ZDHHC11B: variants seen among roughly 807,000 people sequenced by gnomAD.
ZDHHC11B encodes the protein zDHHC palmitoyltransferase 11B (putative), also known as probable palmitoyltransferase ZDHHC11B.
ZDHHC11B carries 17 observed loss-of-function variants against 42.3 expected under a neutral mutation model. That is an observed-to-expected ratio of 0.40 (90% CI 0.27 to 0.60). ZDHHC11B has a LOEUF of 0.60. Ranked by LOEUF, ZDHHC11B falls within the 20% of genes least tolerant of loss-of-function variation. ZDHHC11B has a pLI of 0.41. For synonymous variants in ZDHHC11B, 123 were observed against 193.5 expected (o/e 0.64, Z 3.02); for missense variants, 262 against 463.2 (o/e 0.57, Z 3.99).
At position 776,024 on chromosome 5, in the gene ZDHHC11B, C is replaced by T. The variant is rs759187651; in HGVS notation, c.-229-7094G>A. ...ATTCCCATGCAGATACCCTGGCCTC[C>T]GCAGGCTCAGCTGGGTGTACTGCCG... On this transcript the variant is annotated intron_variant, in intron 1 of 13. Transcript: ENST00000508859. 3.3e-5 allele frequency among the ~76,000 whole-genome samples: 5 copies of T among 149,420 alleles called. No individual in the cohort carries two copies. In the East Asian group the frequency reaches 5.8e-4, roughly 17 times the overall value.
intron 1 of ZDHHC11B, among the ~76,000 whole-genome samples, chr5:784,273 C>G (rs34791950): frequency 0.13 from 16,061 of 126,810 alleles, 21 homozygotes; most frequent in Non-Finnish European, 0.16. Context: ...CGGCCCCCTA[C>G]GCCTGGGAAT....
At chr5:766,223 G>A (rs1469184301) in intron 4 of ZDHHC11B, among the ~76,000 whole-genome samples, 1 of 151,786 alleles carries the variant, frequency 6.6e-6, no homozygotes, top group Non-Finnish European at 1.5e-5. Context: ...GGTGAGAGCA[G>A]ATGCAGGTCC....
At chr5:718,887 G>A (rs746243470) in intron 12 of ZDHHC11B, among the ~76,000 whole-genome samples, 16 of 151,662 alleles carry the variant, frequency 1.1e-4, no homozygotes, top group Non-Finnish European at 1.9e-4. Flanking sequence ...TAAATTTGAG[G>A]TGGTACATTT....
At chr5:761,452 G>A (rs1367360612) in intron 4 of ZDHHC11B, among the ~76,000 whole-genome samples, 1 of 151,844 alleles carries the variant, frequency 6.6e-6, no homozygotes, top group Admixed American at 6.6e-5. Flanking sequence ...AGAACTCGGA[G>A]GCTGGGCCAC....
rs1169052596 is a variant in ZDHHC11B, at chr5:716,818, C to CT, written c.1105dup (p.Ser369LysfsTer2). On this transcript the variant is annotated frameshift_variant, in exon 13 of 14. Transcript: ENST00000508859. LOFTEE classifies it high-confidence loss of function. ...TATCTTACCCGAATCTCAGTCTTCA[C>CT]TTTCAGCACTGTCAGTTTTCATGGG... 6.2e-7 allele frequency: 1 copy of CT among 1,613,014 alleles called. No homozygotes were observed. Among genetic ancestry groups the CT allele is most frequent in the African/African-American group, 1.3e-5 (1 of 74,602 alleles).
At chr5:778,620 T>G (rs1736735364) in intron 1 of ZDHHC11B, among the ~76,000 whole-genome samples, 1 of 152,142 alleles carries the variant, frequency 6.6e-6, no homozygotes, top group Admixed American at 6.6e-5. Flanking sequence ...TGCAGGCAGC[T>G]GGGACCAGGC....
chr5:784,231 T>C (rs1737086659), intron 1 of ZDHHC11B, among the ~76,000 whole-genome samples: 2 of 151,468 alleles, frequency 1.3e-5, no homozygotes, highest in African/African-American at 2.4e-5. Flanking sequence ...ATTCCAGCCC[T>C]CCACGCCCTA....
In ZDHHC11B at chr5:762,301, C is replaced by T. The variant is rs114089281; in HGVS notation, c.222+4397G>A. On this transcript the variant is annotated intron_variant, in intron 4 of 13. Coordinates refer to ENST00000508859, the MANE Select transcript of ZDHHC11B (RefSeq NM_001351303.2). ...CACTCACAGCCTCAACGGCCACTCACAGCCCCAGACAGCCACCTACAAACA... is the reference window on the plus strand; with the variant it reads ...CACTCACAGCCTCAACGGCCACTCATAGCCCCAGACAGCCACCTACAAACA... 8.6e-3 allele frequency among the ~76,000 whole-genome samples: 1,296 copies of T among 151,562 alleles called. 40 individuals are homozygous for T. The highest frequency in any genetic ancestry group is 0.029 in the African/African-American group (1,199 of 41,148).
chr5:746,689 G>T (rs1405971994), intron 8 of ZDHHC11B, among the ~76,000 whole-genome samples: 1 of 150,434 alleles, frequency 6.6e-6, no homozygotes, highest in African/African-American at 2.4e-5. Flanking sequence ...ACTTGTTTGT[G>T]TCTCATTCTT....
At chr5:780,343 G>A (rs1736870645) in intron 1 of ZDHHC11B, among the ~76,000 whole-genome samples, 1 of 150,628 alleles carries the variant, frequency 6.6e-6, no homozygotes, top group Admixed American at 6.6e-5. Context: ...GCGTGGACAT[G>A]CACCTGCTGA....
Position 762,812 on chromosome 5 carries a change from AT to A in ZDHHC11B, c.222+3885del, listed in dbSNP as rs56065479. ...AGGAAGTAGTAAAAATAAAAGCAGA[AT>A]TTTTTTTTAATAGAATAAAAACAGG... On this transcript the variant is annotated intron_variant, in intron 4 of 13. Coordinates refer to ENST00000508859, the MANE Select transcript of ZDHHC11B (RefSeq NM_001351303.2). 4.9e-4 allele frequency among the ~76,000 whole-genome samples: 74 copies of A among 150,764 alleles called. 1 individual carries two copies. The highest frequency in any genetic ancestry group is 1.5e-3 in the African/African-American group (63 of 40,974).
At chr5:778,302 G>A (rs1211929739) in intron 1 of ZDHHC11B, among the ~76,000 whole-genome samples, 1 of 151,568 alleles carries the variant, frequency 6.6e-6, no homozygotes, top group Non-Finnish European at 1.5e-5. Flanking sequence ...AGACTCGGCG[G>A]CTGCAGATGC....
chr5:730,864 C>G (rs1742970218), intron 11 of ZDHHC11B, among the ~76,000 whole-genome samples: 1 of 151,840 alleles, frequency 6.6e-6, no homozygotes, highest in South Asian at 2.1e-4. Context: ...TGTGAGAGGA[C>G]ACAGAGAACA....
At chr5:717,122 A>T (rs1221241208) in intron 12 of ZDHHC11B, among the ~76,000 whole-genome samples, 1 of 151,236 alleles carries the variant, frequency 6.6e-6, no homozygotes, top group East Asian at 1.9e-4. Context: ...TCCCTGATAA[A>T]TAAGAGGGTC....
In ZDHHC11B at chr5:719,363, G is replaced by C. The variant is rs943720506; in HGVS notation, c.1059-2498C>G. On this transcript the variant is annotated intron_variant, in intron 12 of 13. Transcript: ENST00000508859. ...TCAGACATTTGAATTACTAGTCAAA[G>C]ACATTAAATCAGCTGTCTTAAATAT... Among the ~76,000 whole-genome samples the C allele has an allele frequency of 9.2e-5, 14 of 151,672 alleles. 1 individual carries two copies. The highest frequency in any genetic ancestry group is 3.4e-4 in the African/African-American group (14 of 41,160).
chr5:783,285 C>A (rs1413549029), intron 1 of ZDHHC11B, among the ~76,000 whole-genome samples: 2 of 152,260 alleles, frequency 1.3e-5, no homozygotes, highest in Admixed American at 6.5e-5. Flanking sequence ...TGGCACCGAG[C>A]GGCTGACAGG....
At chr5:783,324 T>G (rs1736994557) in intron 1 of ZDHHC11B, among the ~76,000 whole-genome samples, 1 of 152,286 alleles carries the variant, frequency 6.6e-6, no homozygotes. Flanking sequence ...GGCGCCGGCA[T>G]CAGGCTGCAG....
In ZDHHC11B at chr5:774,327, A is replaced by G. The variant is rs551897820; in HGVS notation, c.-229-5397T>C. ...CCAGCCTCTGATCACAGAGCTGTCCAGGGGCTGGAAACCCGGGTGTCCATG... is the reference window on the plus strand; with the variant it reads ...CCAGCCTCTGATCACAGAGCTGTCCGGGGGCTGGAAACCCGGGTGTCCATG... On this transcript the variant is annotated intron_variant, in intron 1 of 13. Coordinates refer to ENST00000508859, the MANE Select transcript of ZDHHC11B (RefSeq NM_001351303.2). 1.2e-4 allele frequency among the ~76,000 whole-genome samples: 19 copies of G among 152,280 alleles called. No individual in the cohort carries two copies. In the East Asian group the frequency reaches 3.7e-3, roughly 29 times the overall value.
At chr5:747,899 A>G (rs993963394) in intron 8 of ZDHHC11B, 9 of 263,468 alleles carry the variant, frequency 3.4e-5, no homozygotes, top group Non-Finnish European at 5.6e-5. Context: ...GTCGTTCAGC[A>G]ACATGACTGA....
Sources: gnomAD v4.1 joint callset for allele counts (sites outside exome capture counted in the v4.1 genomes callset) on GRCh38, gnomAD v4.1.1 for gene constraint, MANE v1.5 for transcripts, NCBI Gene and HGNC (gene_info 2026-07-23, HGNC 2026-07-21) for gene names.